The following GPC5 variants were observed in gnomAD, a reference collection of about 807,000 sequenced individuals.
GPC5 encodes glypican 5, also known as glypican-5.
In GPC5, 47 loss-of-function variants were observed where a neutral mutation model predicts 53.9. The ratio of observed to expected loss-of-function variants is 0.87; its 90% CI spans 0.69 to 1.11. The LOEUF (loss-of-function observed/expected upper bound fraction) is 1.11. Ranked by LOEUF, GPC5 falls within the 50% of genes most tolerant of loss-of-function variation. The probability of loss-of-function intolerance (pLI) is 0.00; values close to 1 mark genes in which losing one functional copy is unlikely to be tolerated. For synonymous variants in GPC5, 286 were observed against 263.3 expected, an observed-to-expected ratio of 1.09 and a Z score of -0.84; for missense variants, 748 against 713.1, an observed-to-expected ratio of 1.05 and a Z score of -0.56.
intron 7 of GPC5, among the ~76,000 whole-genome samples, chr13:92,381,888 ATTATATATAATCATAT>A (rs1280750127): frequency 2.3e-5 from 2 of 86,090 alleles, no homozygotes; most frequent in Admixed American, 1.3e-4. Flanking sequence ...GATTATATAT[ATTATATATAATCATAT>A]ATATGATATA....
intron 6 of GPC5, among the ~76,000 whole-genome samples, chr13:92,073,852 G>A (rs571459262): frequency 2.8e-4 from 43 of 152,282 alleles, no homozygotes; most frequent in African/African-American, 1.0e-3. Context: ...GAGGGACCCA[G>A]TGGGACGTAA....
At chr13:91,825,993 C>T (rs1313405860) in intron 5 of GPC5, among the ~76,000 whole-genome samples, 4 of 152,060 alleles carry the variant, frequency 2.6e-5, no homozygotes, top group African/African-American at 9.7e-5. Flanking sequence ...CTGCTGTCCA[C>T]CACCAGTGAG....
chr13:92,213,545 C>A (rs2042390020), intron 7 of GPC5, among the ~76,000 whole-genome samples: 1 of 152,054 alleles, frequency 6.6e-6, no homozygotes, highest in Non-Finnish European at 1.5e-5. Context: ...CTGCCTTTGC[C>A]CCTGAAATGA....
At chr13:92,450,746 A>G (rs1326925342) in intron 7 of GPC5, among the ~76,000 whole-genome samples, 2 of 152,222 alleles carry the variant, frequency 1.3e-5, no homozygotes, top group African/African-American at 2.4e-5. Context: ...GACATCATAA[A>G]GCATCGTGTG....
intron 2 of GPC5, among the ~76,000 whole-genome samples, chr13:91,688,627 A>C (rs1414877099): frequency 6.6e-6 from 1 of 152,168 alleles, no homozygotes; most frequent in East Asian, 1.9e-4. Flanking sequence ...GTTGTGTGCC[A>C]CTGAAGTACA....
At chr13:91,483,773 C>A (rs1170762852) in intron 2 of GPC5, among the ~76,000 whole-genome samples, 3 of 152,102 alleles carry the variant, frequency 2.0e-5, no homozygotes, top group Non-Finnish European at 4.4e-5. Context: ...TTAGAAACTC[C>A]AAATTTAAGC....
At chr13:91,853,146 T>A (rs927157244) in intron 5 of GPC5, among the ~76,000 whole-genome samples, 3 of 152,220 alleles carry the variant, frequency 2.0e-5, no homozygotes, top group South Asian at 2.1e-4. Flanking sequence ...ATGGAATTTT[T>A]AAAAAATTAT....
At chr13:92,423,101 G>C (rs1876656412) in intron 7 of GPC5, among the ~76,000 whole-genome samples, 1 of 152,130 alleles carries the variant, frequency 6.6e-6, no homozygotes, top group Admixed American at 6.5e-5. Flanking sequence ...CTTCTGTGTA[G>C]TAGAAAGAGG....
chr13:91,688,241 TC>T (rs1441061933), intron 2 of GPC5, among the ~76,000 whole-genome samples: 4 of 152,126 alleles, frequency 2.6e-5, no homozygotes, highest in Admixed American at 6.6e-5. Context: ...ATGGCTTGGC[TC>T]CTAGATTGTT....
At chr13:92,227,148 A>G (rs1210680743) in intron 7 of GPC5, among the ~76,000 whole-genome samples, 1 of 152,194 alleles carries the variant, frequency 6.6e-6, no homozygotes, top group African/African-American at 2.4e-5. Flanking sequence ...AACATTGAAT[A>G]GTAAAGTCTC....
chr13:92,345,694 TG>T (rs1469971464), intron 7 of GPC5, among the ~76,000 whole-genome samples: 1 of 152,174 alleles, frequency 6.6e-6, no homozygotes, highest in African/African-American at 2.4e-5. Context: ...AGGATTTCCC[TG>T]GGCCCACAGT....
chr13:92,640,970 TG>T (rs1885576486), intron 7 of GPC5, among the ~76,000 whole-genome samples: 1 of 80,150 alleles, frequency 1.2e-5, no homozygotes, highest in African/African-American at 4.8e-5. Context: ...GGAGTAGTAA[TG>T]GGGTGGCGGG....
chr13:91,908,013 C>G lies in GPC5; in HGVS notation c.1357C>G (p.Pro453Ala). Residue 453 changes from proline to alanine, a missense_variant, in exon 6 of 8, where the codon CCT becomes GCT. Coordinates refer to ENST00000377067, the MANE Select transcript of GPC5 (RefSeq NM_004466.6). ...TGAAGTCAAAGTCAAAGGAATTGAT[C>G]CTGTGATAAATCAGATTATTGATAA... is the stretch of plus-strand genomic sequence containing the variant. The part of the protein sequence containing the change: ...NPEVKVKGID[P>A]VINQIIDKLK... 3 of 1,593,542 alleles carry G rather than the reference C, an allele frequency of 1.9e-6. No homozygotes were observed. The South Asian group carries it at 3.3e-5, about 18-fold the overall frequency.
chr13:92,086,079 T>G (rs1297074985), intron 6 of GPC5, among the ~76,000 whole-genome samples: 2 of 152,188 alleles, frequency 1.3e-5, no homozygotes, highest in Admixed American at 1.3e-4. Flanking sequence ...GAATTCACAC[T>G]GTGTGGCCTT....
Position 91,938,018 on chromosome 13 carries a change from C to G in GPC5, c.1401+29961C>G, listed in dbSNP as rs1334086015. ...GAATTCATGAGACCATTTTCAAGTA[C>G]AATGGGAAACTTTGGAGATTTCCGG... On this transcript the variant is annotated intron_variant, in intron 6 of 7. Coordinates refer to ENST00000377067, the MANE Select transcript of GPC5 (RefSeq NM_004466.6). Among the ~76,000 whole-genome samples, 4 of 152,098 alleles carry G rather than the reference C, an allele frequency of 2.6e-5. No individual in the cohort carries two copies. In the South Asian group the frequency reaches 6.2e-4, roughly 24 times the overall value.
intron 2 of GPC5, among the ~76,000 whole-genome samples, chr13:91,674,856 T>C (rs1426034578): frequency 6.6e-6 from 1 of 151,878 alleles, no homozygotes; most frequent in Non-Finnish European, 1.5e-5. Flanking sequence ...CTTCCTGCCA[T>C]ATTGTCAGAG....
intron 5 of GPC5, among the ~76,000 whole-genome samples, chr13:91,838,553 G>C (rs1042681073): frequency 6.6e-6 from 1 of 151,946 alleles, no homozygotes; most frequent in Non-Finnish European, 1.5e-5. Flanking sequence ...AAAGGGATGA[G>C]AGAAGAACCC....
chr13:92,334,319 G>T (rs534144916), intron 7 of GPC5, among the ~76,000 whole-genome samples: 1 of 151,998 alleles, frequency 6.6e-6, no homozygotes, highest in Non-Finnish European at 1.5e-5. Flanking sequence ...CCATCAAGTC[G>T]CATGAGACTT....
At chr13:91,760,513 T>A (rs1237159424) in intron 5 of GPC5, among the ~76,000 whole-genome samples, 1 of 152,112 alleles carries the variant, frequency 6.6e-6, no homozygotes, top group Non-Finnish European at 1.5e-5. Context: ...TTATGGGAGG[T>A]TATAATACCC....
Sources: allele counts gnomAD v4.1 joint callset (sites outside exome capture counted in the v4.1 genomes callset), GRCh38; gene constraint gnomAD v4.1.1; transcripts MANE v1.5; gene names NCBI Gene and HGNC (gene_info 2026-07-23, HGNC 2026-07-21).